The following CSNK2A2IP variants were observed in gnomAD, a reference collection of about 807,000 sequenced individuals.
CSNK2A2IP encodes the protein casein kinase 2 subunit alpha' interacting protein, also known as casein kinase II subunit alpha'-interacting protein.
chr3:88,421,235 A>G, the CSNK2A2IP span, among the ~76,000 whole-genome samples: 1 of 152,084 alleles, frequency 6.6e-6, no homozygotes, highest in East Asian at 1.9e-4. Context: ...ATTATTATTT[A>G]TTATGTCCAT....
the CSNK2A2IP span, among the ~76,000 whole-genome samples, chr3:88,373,670 T>C: frequency 5.4e-5 from 8 of 149,406 alleles, 1 homozygote; most frequent in South Asian, 1.0e-3. Flanking sequence ...TTTAAATTTT[T>C]AGAAATGAAT....
the CSNK2A2IP span, among the ~76,000 whole-genome samples, chr3:88,458,351 A>G: frequency 6.6e-6 from 1 of 151,894 alleles, no homozygotes; most frequent in African/African-American, 2.4e-5. Context: ...GGGTTTTGCC[A>G]TGTTGGCCAG....
chr3:88,412,480 T>C, the CSNK2A2IP span, among the ~76,000 whole-genome samples: 1 of 152,050 alleles, frequency 6.6e-6, no homozygotes, highest in South Asian at 2.1e-4. Context: ...CTTTTCTTCA[T>C]TCCTGTTTTG....
chr3:88,461,910 T>C, the CSNK2A2IP span, among the ~76,000 whole-genome samples: 1 of 151,962 alleles, frequency 6.6e-6, no homozygotes, highest in Non-Finnish European at 1.5e-5. Flanking sequence ...CCAGCTAATT[T>C]GTTTTTTTTG....
At chr3:88,407,149 C>G in the CSNK2A2IP span, among the ~76,000 whole-genome samples, 57,281 of 151,890 alleles carry the variant, frequency 0.38, 11,266 homozygotes, top group East Asian at 0.53. Context: ...GCTTTTCAAT[C>G]CTACCTCCTC....
chr3:88,399,325 T>A, the CSNK2A2IP span, among the ~76,000 whole-genome samples: 1 of 152,210 alleles, frequency 6.6e-6, no homozygotes, highest in Non-Finnish European at 1.5e-5. Flanking sequence ...AAAAAATACA[T>A]CATCTACCTT....
chr3:88,388,566 A>G, the CSNK2A2IP span, among the ~76,000 whole-genome samples: 1 of 152,218 alleles, frequency 6.6e-6, no homozygotes. Context: ...CAAGTCTGTA[A>G]TTCAATGTTA....
chr3:88,419,727 T>C, the CSNK2A2IP span, among the ~76,000 whole-genome samples: 4 of 152,184 alleles, frequency 2.6e-5, no homozygotes, highest in Non-Finnish European at 5.9e-5. Flanking sequence ...TTTGGTTCAT[T>C]ATTATTGTCA....
chr3:88,458,787 A>G, the CSNK2A2IP span, among the ~76,000 whole-genome samples: 3 of 152,212 alleles, frequency 2.0e-5, no homozygotes, highest in East Asian at 5.8e-4. Context: ...TAGTATAAAT[A>G]TGAAAAGTAT....
At chr3:88,360,082 G>A in the CSNK2A2IP span, among the ~76,000 whole-genome samples, 2 of 151,456 alleles carry the variant, frequency 1.3e-5, no homozygotes, top group African/African-American at 2.4e-5. Context: ...TGTCCTTTTG[G>A]ATTGACCCCT....
the CSNK2A2IP span, among the ~76,000 whole-genome samples, chr3:88,347,582 G>A: frequency 6.6e-6 from 1 of 151,974 alleles, no homozygotes; most frequent in African/African-American, 2.4e-5. Flanking sequence ...ATGAAAGTAT[G>A]TACACTTTTC....
chr3:88,381,842 G>A, the CSNK2A2IP span, among the ~76,000 whole-genome samples: 2 of 152,206 alleles, frequency 1.3e-5, no homozygotes, highest in Non-Finnish European at 2.9e-5. Flanking sequence ...TAATTGTCAT[G>A]ATGGTTTCAT....
the CSNK2A2IP span, among the ~76,000 whole-genome samples, chr3:88,430,368 A>G: frequency 6.6e-6 from 1 of 152,144 alleles, no homozygotes; most frequent in East Asian, 1.9e-4. Context: ...GCTGCTGCTT[A>G]TCTTATTGTA....
chr3:88,355,240 G>T, the CSNK2A2IP span, among the ~76,000 whole-genome samples: 12 of 152,232 alleles, frequency 7.9e-5, no homozygotes, highest in African/African-American at 2.4e-4. Context: ...ATTGAGTTTA[G>T]ACTATAATTT....
At chr3:88,437,734 A>G in the CSNK2A2IP span, among the ~76,000 whole-genome samples, 3 of 152,158 alleles carry the variant, frequency 2.0e-5, no homozygotes. Flanking sequence ...GCCCAGTGTT[A>G]AAAACAGGTG....
the CSNK2A2IP span, among the ~76,000 whole-genome samples, chr3:88,411,350 CATCTATCT>C: frequency 4.1e-5 from 6 of 146,754 alleles, no homozygotes; most frequent in South Asian, 8.6e-4. Context: ...CTCTATCTAT[CATCTATCT>C]ATCTATCTAT....
the CSNK2A2IP span, chr3:88,467,536 C>A: frequency 2.5e-6 from 1 of 398,406 alleles, no homozygotes; most frequent in Non-Finnish European, 4.4e-6. Context: ...AGCAAACACA[C>A]TGTTCAAATT....
At chr3:88,351,656 A>C in the CSNK2A2IP span, among the ~76,000 whole-genome samples, 1 of 152,234 alleles carries the variant, frequency 6.6e-6, no homozygotes, top group Non-Finnish European at 1.5e-5. Flanking sequence ...CCCATGCCAA[A>C]TATTATGATC....
the CSNK2A2IP span, among the ~76,000 whole-genome samples, chr3:88,453,943 T>C: frequency 6.6e-6 from 1 of 152,078 alleles, no homozygotes; most frequent in Non-Finnish European, 1.5e-5. Flanking sequence ...TTCATTTGGG[T>C]AAATAAAAGG....
Sources: gnomAD v4.1 joint callset for allele counts (sites outside exome capture counted in the v4.1 genomes callset) on GRCh38, gnomAD v4.1.1 for gene constraint, MANE v1.5 for transcripts, NCBI Gene and HGNC (gene_info 2026-07-23, HGNC 2026-07-21) for gene names.